RSBN1L: variants seen among roughly 807,000 people sequenced by gnomAD.
RSBN1L encodes the protein lysine-specific demethylase RSBN1L.
A neutral mutation model predicts 67.7 loss-of-function variants in RSBN1L; 30 were observed. That is an observed-to-expected ratio of 0.44 (90% CI 0.33 to 0.60). RSBN1L has a LOEUF of 0.60. Ranked by LOEUF, RSBN1L falls within the 20% of genes least tolerant of loss-of-function variation. The pLI is 0.02. For missense variants in RSBN1L, 992 were observed against 1,031.7 expected (o/e 0.96, Z 0.53); for synonymous variants, 433 against 387.0 (o/e 1.12, Z -1.39).
intron 1 of RSBN1L, among the ~76,000 whole-genome samples, chr7:77,700,536 G>C (rs2150410692): frequency 6.6e-6 from 1 of 152,312 alleles, no homozygotes; most frequent in East Asian, 1.9e-4. Context: ...GTATATAAAT[G>C]TGAGTGATGT....
At chr7:77,750,137 A>G (rs1791535685) in intron 3 of RSBN1L, 73 bp downstream of exon 3, 1 of 864,046 alleles carries the variant, frequency 1.2e-6, no homozygotes, top group Non-Finnish European at 1.6e-6. Context: ...TTTTGTTCCT[A>G]ATTATAGGGC....
At chr7:77,758,549 A>G (rs757246051) in intron 3 of RSBN1L, among the ~76,000 whole-genome samples, 8 of 152,152 alleles carry the variant, frequency 5.3e-5, no homozygotes, top group Non-Finnish European at 8.8e-5. Flanking sequence ...GACTATAGTC[A>G]CCCTGTTGTG....
At position 77,782,291 on chromosome 7, in the gene RSBN1L, C is replaced by G. The variant is rs1332287590; in HGVS notation, c.*3123C>G. 6.6e-6 allele frequency: 1 copy of G among 152,092 alleles called. No homozygotes were observed. The highest frequency in any genetic ancestry group is 1.5e-5 in the Non-Finnish European group (1 of 68,026). The allele number at this position is 152,092 out of a possible 1,614,324, so 9.4% of individuals were successfully genotyped here. On this transcript the variant is annotated 3_prime_UTR_variant, in exon 8 of 8. Coordinates refer to ENST00000334955, the MANE Select transcript of RSBN1L (RefSeq NM_198467.3). ...CAATAAAATACATAAGACATCGTTT[C>G]TATATGGTCATATACTATATAGAAT...
intron 3 of RSBN1L, among the ~76,000 whole-genome samples, chr7:77,751,463 T>C (rs1791555989): frequency 6.6e-6 from 1 of 152,168 alleles, no homozygotes; most frequent in Non-Finnish European, 1.5e-5. Context: ...TTAATGTGCG[T>C]ATGTGGGAAT....
At chr7:77,765,877 A>G (rs376327906) in intron 4 of RSBN1L, among the ~76,000 whole-genome samples, 1 of 152,192 alleles carries the variant, frequency 6.6e-6, no homozygotes, top group East Asian at 1.9e-4. Context: ...TGTAATGGCA[A>G]AGCTAAGTGG....
chr7:77,762,332 G>A (rs972845059), intron 3 of RSBN1L, among the ~76,000 whole-genome samples: 1 of 152,088 alleles, frequency 6.6e-6, no homozygotes, highest in African/African-American at 2.4e-5. Context: ...AAAAGATAAA[G>A]CCTCTTCTTA....
chr7:77,778,226 G>A, intron 6 of RSBN1L, 112 bp from the exon 7 acceptor site: 1 of 642,750 alleles, frequency 1.6e-6, no homozygotes, highest in South Asian at 2.6e-5. Context: ...AACTTTATTT[G>A]TAAGACAGTA....
intron 2 of RSBN1L, among the ~76,000 whole-genome samples, chr7:77,748,812 C>T (rs1009324483): frequency 6.6e-6 from 1 of 151,920 alleles, no homozygotes; most frequent in African/African-American, 2.4e-5. Context: ...AATATTCATT[C>T]ATCTCCTTAT....
At chr7:77,724,337 A>G (rs191128791) in intron 1 of RSBN1L, among the ~76,000 whole-genome samples, 51 of 152,186 alleles carry the variant, frequency 3.4e-4, no homozygotes, top group Non-Finnish European at 6.5e-4. Flanking sequence ...ATGTATCTGA[A>G]CATAATTATT....
At chr7:77,766,535 A>T (rs1395567258) in intron 4 of RSBN1L, among the ~76,000 whole-genome samples, 29 of 149,012 alleles carry the variant, frequency 1.9e-4, no homozygotes, top group Non-Finnish European at 3.7e-4. Context: ...TTTTTTTTTT[A>T]AAGCCTCTTG....
In RSBN1L at chr7:77,736,575, A is replaced by G. The variant is rs369386687; in HGVS notation, c.703+49A>G. 5.8e-6 allele frequency: 6 copies of G among 1,028,202 alleles called. No homozygotes were observed. In the African/African-American group the frequency reaches 6.8e-5, roughly 12 times the overall value. 63.7% of individuals were successfully genotyped at this position (1,028,202 alleles called of 1,614,324 possible). Reference sequence around the variant, plus strand: ...GTTCTACTTTATTATACTGTTCAGTATCTTTATTGGCTAAGTGAATAAAAT... The same window carrying G: ...GTTCTACTTTATTATACTGTTCAGTGTCTTTATTGGCTAAGTGAATAAAAT... On this transcript the variant is annotated intron_variant, in intron 2 of 7. Coordinates refer to ENST00000334955, the MANE Select transcript of RSBN1L (RefSeq NM_198467.3).
At chr7:77,705,622 C>G (rs1183607519) in intron 1 of RSBN1L, among the ~76,000 whole-genome samples, 2 of 147,358 alleles carry the variant, frequency 1.4e-5, no homozygotes, top group East Asian at 2.0e-4. Flanking sequence ...AGTGATTCTC[C>G]TGTCTCAGCC....
At chr7:77,725,698 T>C (rs1473981240) in intron 1 of RSBN1L, among the ~76,000 whole-genome samples, 1 of 151,558 alleles carries the variant, frequency 6.6e-6, no homozygotes, top group East Asian at 1.9e-4. Context: ...TTCAAGCAGT[T>C]CTCCTGCCTC....
intron 1 of RSBN1L, among the ~76,000 whole-genome samples, chr7:77,724,246 T>A (rs982424426): frequency 6.6e-6 from 1 of 152,160 alleles, no homozygotes; most frequent in African/African-American, 2.4e-5. Flanking sequence ...TATTATGTTA[T>A]ATATTCAGTG....
intron 2 of RSBN1L, among the ~76,000 whole-genome samples, chr7:77,739,739 CTTTTTTTTTTTTTTTT>C (rs1173154183): frequency 9.4e-5 from 4 of 42,690 alleles, no homozygotes; most frequent in East Asian, 9.7e-4. Flanking sequence ...AAAAATGTGT[CTTTTTTTTTTTTTTTT>C]TTTTTTTTTT....
At chr7:77,770,415 C>CT (rs1791832035) in intron 5 of RSBN1L, among the ~76,000 whole-genome samples, 2 of 151,944 alleles carry the variant, frequency 1.3e-5, no homozygotes, top group Admixed American at 1.3e-4. Flanking sequence ...TGCAGTGGCT[C>CT]TTTCATGTAA....
chr7:77,771,094 A>G (rs2150433562), intron 5 of RSBN1L, among the ~76,000 whole-genome samples: 1 of 152,214 alleles, frequency 6.6e-6, no homozygotes, highest in Non-Finnish European at 1.5e-5. Flanking sequence ...GGCGCACGCC[A>G]CCACACCCGG....
chr7:77,710,024 T>C (rs1790952337), intron 1 of RSBN1L, among the ~76,000 whole-genome samples: 1 of 152,226 alleles, frequency 6.6e-6, no homozygotes, highest in Non-Finnish European at 1.5e-5. Flanking sequence ...TCTGCTCTCA[T>C]TGAACTTGTG....
At chr7:77,723,216 T>G (rs140306771) in intron 1 of RSBN1L, among the ~76,000 whole-genome samples, 1,703 of 152,182 alleles carry the variant, frequency 0.011, 36 homozygotes, top group African/African-American at 0.038. Context: ...TCCACGTGCC[T>G]TGGCCTCCCA....
Sources: gnomAD v4.1 joint callset for allele counts (sites outside exome capture counted in the v4.1 genomes callset) on GRCh38, gnomAD v4.1.1 for gene constraint, MANE v1.5 for transcripts, NCBI Gene and HGNC (gene_info 2026-07-23, HGNC 2026-07-21) for gene names.